DPP10: variants seen among roughly 807,000 people sequenced by gnomAD.
DPP10 encodes inactive dipeptidyl peptidase 10.
A neutral mutation model predicts 120.9 loss-of-function variants in DPP10; 33 were observed. That is an observed-to-expected ratio of 0.27 (90% CI 0.21 to 0.37). The LOEUF is 0.37. DPP10 is among the 10% of genes least tolerant of loss of function. The probability of loss-of-function intolerance (pLI) is 1.00; values close to 1 mark genes in which losing one functional copy is unlikely to be tolerated. For missense variants in DPP10, 816 were observed against 942.8 expected, an observed-to-expected ratio of 0.87 and a Z score of 1.76; for synonymous variants, 337 against 326.1, an observed-to-expected ratio of 1.03 and a Z score of -0.36.
intron 1 of DPP10, among the ~76,000 whole-genome samples, chr2:114,946,847 G>C (rs540992891): frequency 6.6e-6 from 1 of 150,766 alleles, no homozygotes; most frequent in Non-Finnish European, 1.5e-5. Context: ...TTGCTGTAAG[G>C]GTTATATAGA....
intron 5 of DPP10, among the ~76,000 whole-genome samples, chr2:115,548,479 C>T (rs936134706): frequency 6.6e-6 from 1 of 152,038 alleles, no homozygotes; most frequent in African/African-American, 2.4e-5. Flanking sequence ...GACAAGGCCT[C>T]GGCACACACA....
At chr2:115,584,424 G>A (rs1378988537) in intron 5 of DPP10, among the ~76,000 whole-genome samples, 1 of 151,978 alleles carries the variant, frequency 6.6e-6, no homozygotes, top group South Asian at 2.1e-4. Flanking sequence ...GAAACACAGA[G>A]GGAGAAAGGA....
intron 1 of DPP10, among the ~76,000 whole-genome samples, chr2:114,953,611 A>C (rs1175094826): frequency 6.6e-6 from 1 of 152,112 alleles, no homozygotes; most frequent in Non-Finnish European, 1.5e-5. Flanking sequence ...CCATTAACTT[A>C]TAAAGATGAG....
At chr2:114,913,507 A>T (rs921555401) in intron 1 of DPP10, among the ~76,000 whole-genome samples, 2 of 152,162 alleles carry the variant, frequency 1.3e-5, no homozygotes, top group Non-Finnish European at 2.9e-5. Flanking sequence ...TGACTCCGTG[A>T]AATCATCCAG....
intron 4 of DPP10, among the ~76,000 whole-genome samples, chr2:115,514,077 G>A (rs559954054): frequency 1.6e-4 from 24 of 151,968 alleles, no homozygotes; most frequent in Admixed American, 7.2e-4. Context: ...CTTTGAAGAC[G>A]TCAACCTAAA....
At chr2:115,129,968 T>C (rs2104779836) in intron 1 of DPP10, among the ~76,000 whole-genome samples, 1 of 152,346 alleles carries the variant, frequency 6.6e-6, no homozygotes, top group African/African-American at 2.4e-5. Context: ...TAACTTCTTC[T>C]GTTCTCCTGG....
intron 1 of DPP10, among the ~76,000 whole-genome samples, chr2:114,468,234 T>C (rs910668114): frequency 2.0e-5 from 3 of 151,896 alleles, no homozygotes; most frequent in Non-Finnish European, 4.4e-5. Flanking sequence ...GATATGACAT[T>C]GTCTAGGTCT....
intron 5 of DPP10, among the ~76,000 whole-genome samples, chr2:115,656,609 G>A (rs1019933485): frequency 4.6e-5 from 7 of 151,684 alleles, no homozygotes; most frequent in Non-Finnish European, 8.9e-5. Flanking sequence ...TCTTGGCTAT[G>A]ATTAGAGATA....
intron 1 of DPP10, among the ~76,000 whole-genome samples, chr2:114,685,092 G>C (rs182640599): frequency 6.6e-6 from 1 of 152,014 alleles, no homozygotes; most frequent in African/African-American, 2.4e-5. Flanking sequence ...CCTCTTTCCA[G>C]ATATCCTCAT....
intron 1 of DPP10, among the ~76,000 whole-genome samples, chr2:115,014,805 C>T (rs973857551): frequency 1.1e-4 from 17 of 150,378 alleles, no homozygotes; most frequent in African/African-American, 4.1e-4. Context: ...AAGTCGAATC[C>T]CTGAATAGAC....
At chr2:114,952,346 C>A (rs1178981574) in intron 1 of DPP10, among the ~76,000 whole-genome samples, 1 of 152,076 alleles carries the variant, frequency 6.6e-6, no homozygotes, top group African/African-American at 2.4e-5. Context: ...CTTTCCCATG[C>A]AAACAAATGT....
At chr2:115,162,163 G>A in intron 1 of DPP10, 1 of 1,543,184 alleles carries the variant, frequency 6.5e-7, no homozygotes, top group Non-Finnish European at 8.7e-7. Context: ...CCAGTTCCAG[G>A]CTCTCCTGCT....
At chr2:115,718,409 T>G in intron 7 of DPP10, among the ~76,000 whole-genome samples, 1 of 152,350 alleles carries the variant, frequency 6.6e-6, no homozygotes, top group Middle Eastern at 3.4e-3. Context: ...GATAGAAATT[T>G]CATTTTTCTA....
intron 2 of DPP10, among the ~76,000 whole-genome samples, chr2:115,336,575 C>CTG (rs1314070732): frequency 6.0e-5 from 9 of 149,706 alleles, no homozygotes; most frequent in Non-Finnish European, 1.2e-4. Context: ...CTCTCTCTCT[C>CTG]TCTCTCTGTC....
Position 115,791,076 on chromosome 2 carries a change from TACAGA to T in DPP10, c.1532-3_1533del. 6.2e-7 allele frequency: 1 copy of T among 1,607,852 alleles called. No homozygotes were observed. Among genetic ancestry groups the T allele is most frequent in the Admixed American group, 1.7e-5 (1 of 59,108 alleles). On this transcript the variant is annotated splice_acceptor_variant and splice_polypyrimidine_tract_variant and coding_sequence_variant and intron_variant, in exon 18 of 26. Coordinates refer to ENST00000410059, the MANE Select transcript of DPP10 (RefSeq NM_020868.6). LOFTEE classifies it high-confidence loss of function. The stretch of plus-strand genomic sequence containing the variant: ...GCTATTTACACTACCCTTTTTGGTT[TACAGA>T]ATATTTTATATTGGAAAGCAATTCT...
chr2:115,445,254 A>G (rs1281608925), intron 3 of DPP10, among the ~76,000 whole-genome samples: 1 of 152,156 alleles, frequency 6.6e-6, no homozygotes, highest in Non-Finnish European at 1.5e-5. Context: ...GTGTGAAAAC[A>G]GACTAATATA....
At chr2:115,692,448 A>C (rs1056907257) in intron 7 of DPP10, among the ~76,000 whole-genome samples, 1 of 151,994 alleles carries the variant, frequency 6.6e-6, no homozygotes, top group African/African-American at 2.4e-5. Flanking sequence ...TCAGTTTTGC[A>C]TTATATAATT....
intron 1 of DPP10, among the ~76,000 whole-genome samples, chr2:114,649,671 G>A (rs1696426763): frequency 6.6e-6 from 1 of 152,088 alleles, no homozygotes. Context: ...AAAATATGAA[G>A]CAATGATTTG....
chr2:115,834,069 T>C (rs1689200683), intron 21 of DPP10, among the ~76,000 whole-genome samples: 1 of 152,208 alleles, frequency 6.6e-6, no homozygotes, highest in African/African-American at 2.4e-5. Flanking sequence ...TATATCTATA[T>C]AGGATAATTT....
Sources: allele counts gnomAD v4.1 joint callset (sites outside exome capture counted in the v4.1 genomes callset), GRCh38; gene constraint gnomAD v4.1.1; transcripts MANE v1.5; gene names NCBI Gene and HGNC (gene_info 2026-07-23, HGNC 2026-07-21).